The following CUL3 variants were observed in gnomAD, a reference collection of about 807,000 sequenced individuals.
CUL3 encodes the protein cullin 3.
A neutral mutation model predicts 89.1 loss-of-function variants in CUL3; 19 were observed. The ratio of observed to expected loss-of-function variants is 0.21; its 90% CI spans 0.15 to 0.31. The LOEUF (loss-of-function observed/expected upper bound fraction) is 0.31. CUL3 is among the 10% of genes least tolerant of loss of function. The pLI is 1.00. For missense variants in CUL3, 469 were observed against 942.3 expected (o/e 0.50, Z 6.58); for synonymous variants, 351 against 308.4 (o/e 1.14, Z -1.45).
At chr2:224,558,150 C>T (rs1694782313) in intron 1 of CUL3, among the ~76,000 whole-genome samples, 1 of 152,072 alleles carries the variant, frequency 6.6e-6, no homozygotes, top group African/African-American at 2.4e-5. Flanking sequence ...TTTATATACC[C>T]GTAAGTCACT....
At position 224,585,021 on chromosome 2, in the gene CUL3, C is replaced by G; in HGVS notation, c.-12G>C. 6.7e-7 allele frequency: 1 copy of G among 1,494,600 alleles called. No homozygotes were observed. Among genetic ancestry groups the G allele is most frequent in the Non-Finnish European group, 9.0e-7 (1 of 1,109,716 alleles). 92.6% of individuals were successfully genotyped at this position (1,494,600 alleles called of 1,614,324 possible). A position where few individuals can be genotyped will look rare whatever the true frequency, so the allele number is the denominator to read the frequency against. ...CTCAGATTCGACATGGTGCTCGTCC[C>G]CTCCCCGGCGGCGGCTTCAGGTCGC... is the stretch of plus-strand genomic sequence containing the variant. On this transcript the variant is annotated 5_prime_UTR_variant, in exon 1 of 16. Transcript: ENST00000264414.
At chr2:224,582,353 T>C (rs1695461616) in intron 1 of CUL3, among the ~76,000 whole-genome samples, 2 of 152,176 alleles carry the variant, frequency 1.3e-5, no homozygotes, top group Admixed American at 6.5e-5. Context: ...ACTGCCAATC[T>C]GGAAGACAGG....
chr2:224,584,698 G>A (rs1695533024), intron 1 of CUL3, among the ~76,000 whole-genome samples: 1 of 149,848 alleles, frequency 6.7e-6, no homozygotes, highest in Admixed American at 6.6e-5. Flanking sequence ...GCGGCTGAAG[G>A]AGCAGCTCCC....
At chr2:224,564,880 T>C (rs982635840) in intron 1 of CUL3, among the ~76,000 whole-genome samples, 14 of 152,220 alleles carry the variant, frequency 9.2e-5, no homozygotes, top group Non-Finnish European at 1.5e-5. Context: ...TAATCTCTAA[T>C]TCAGTTGTGG....
intron 1 of CUL3, among the ~76,000 whole-genome samples, chr2:224,575,590 A>T (rs1479308286): frequency 6.6e-6 from 1 of 152,142 alleles, no homozygotes; most frequent in Non-Finnish European, 1.5e-5. Flanking sequence ...AAATAATAAC[A>T]CCTTGCATTT....
chr2:224,506,835 G>C (rs751543528), intron 7 of CUL3, 23 bp downstream of exon 7: 2 of 1,609,396 alleles, frequency 1.2e-6, no homozygotes, highest in South Asian at 2.2e-5. Context: ...CATAAACACA[G>C]AGAATCTTCT....
intron 3 of CUL3, among the ~76,000 whole-genome samples, chr2:224,516,263 C>T (rs1015874556): frequency 3.3e-5 from 5 of 151,468 alleles, no homozygotes; most frequent in Admixed American, 1.3e-4. Flanking sequence ...CACTTCCATC[C>T]TCAAGATCTT....
In CUL3 at chr2:224,500,394, C is replaced by G. The variant is rs765144393; in HGVS notation, c.1579G>C (p.Ala527Pro). Residue 527 changes from alanine to proline, a missense_variant, in exon 11 of 16, where the codon GCA (alanine) becomes CCA (proline). Around this residue, in one of 4 missense-constraint regions of CUL3, gnomAD observed 370 missense variants for 733.2 expected, o/e 0.50. Coordinates refer to ENST00000264414, the MANE Select transcript of CUL3 (RefSeq NM_003590.5). ...AATATCTCAAAAGCATGTCTTGGTGCTGGTGGGATGTTGCACTTTGGTGTG... is the reference window on the plus strand; with the variant it reads ...AATATCTCAAAAGCATGTCTTGGTGGTGGTGGGATGTTGCACTTTGGTGTG... ...SATPKCNIPP[A>P]PRHAFEIFRR... 6.2e-7 allele frequency: 1 copy of G among 1,614,036 alleles called. No individual in the cohort carries two copies.
At chr2:224,560,912 C>G (rs1427105001) in intron 1 of CUL3, among the ~76,000 whole-genome samples, 1 of 152,188 alleles carries the variant, frequency 6.6e-6, no homozygotes, top group Admixed American at 6.5e-5. Flanking sequence ...TCGCTCTGCT[C>G]CATGCACTCC....
chr2:224,506,255 T>TA lies in CUL3; in HGVS notation c.1030-124dup, dbSNP rs3835785. 1,126 of 634,764 alleles carry TA rather than the reference T, an allele frequency of 1.8e-3. 12 individuals carry two copies. The East Asian group carries it at 0.022, about 12-fold the overall frequency. The allele number at this position is 634,764 out of a possible 1,614,324, so 39.3% of individuals were successfully genotyped here. On this transcript the variant is annotated intron_variant, in intron 7 of 15. Coordinates refer to ENST00000264414, the MANE Select transcript of CUL3 (RefSeq NM_003590.5). ...AAACATGTATATTCATTTTTAAACT[T>TA]ACAGTTTTGATATTATTTTCAAGCC... is the stretch of plus-strand genomic sequence containing the variant.
chr2:224,508,432 T>A (rs1235182610), intron 6 of CUL3, among the ~76,000 whole-genome samples: 1 of 151,980 alleles, frequency 6.6e-6, no homozygotes, highest in East Asian at 1.9e-4. Flanking sequence ...GGACACATAC[T>A]ACAGTAAATG....
chr2:224,540,053 C>A (rs1439159398), intron 2 of CUL3, among the ~76,000 whole-genome samples: 1 of 113,510 alleles, frequency 8.8e-6, no homozygotes, highest in Non-Finnish European at 1.7e-5. Context: ...ACCTTCCATC[C>A]TCCACCTTTT....
chr2:224,534,181 AG>A (rs1693795417), intron 3 of CUL3, among the ~76,000 whole-genome samples: 1 of 152,244 alleles, frequency 6.6e-6, no homozygotes, highest in South Asian at 2.1e-4. Context: ...GTCATTCTAT[AG>A]CACCAAATTT....
At chr2:224,506,222 C>G in intron 7 of CUL3, 90 bp from the exon 8 acceptor site, 1 of 859,304 alleles carries the variant, frequency 1.2e-6, no homozygotes, top group East Asian at 2.9e-5. Context: ...CTTAACTTTG[C>G]TGGTAATAAA....
intron 1 of CUL3, among the ~76,000 whole-genome samples, chr2:224,564,917 CTAGAAACATAAGCCTTATA>C (rs1404445063): frequency 3.9e-5 from 6 of 152,168 alleles, no homozygotes; most frequent in Admixed American, 1.3e-4. Context: ...ATTATACAAG[CTAGAAACATAAGCCTTATA>C]TTTTTTCTTA....
chr2:224,521,839 T>C (rs887554335), intron 3 of CUL3, among the ~76,000 whole-genome samples: 4 of 152,106 alleles, frequency 2.6e-5, no homozygotes, highest in Admixed American at 2.0e-4. Flanking sequence ...GCTGTGAAAG[T>C]TGGTCTTTTA....
chr2:224,527,349 G>A (rs1693519033), intron 3 of CUL3, among the ~76,000 whole-genome samples: 3 of 152,204 alleles, frequency 2.0e-5, no homozygotes, highest in Admixed American at 1.3e-4. Flanking sequence ...AAATGTACAT[G>A]AGAAAACACA....
chr2:224,524,676 C>A (rs539560938), intron 3 of CUL3, among the ~76,000 whole-genome samples: 1 of 151,992 alleles, frequency 6.6e-6, no homozygotes, highest in South Asian at 2.1e-4. Flanking sequence ...TACCTGCCTG[C>A]CGGAACAAAA....
At position 224,563,744 on chromosome 2, in the gene CUL3, C is replaced by T. The variant is rs556288129; in HGVS notation, c.67-5888G>A. On this transcript the variant is annotated intron_variant, in intron 1 of 15. Coordinates refer to ENST00000264414, the MANE Select transcript of CUL3 (RefSeq NM_003590.5). The stretch of plus-strand genomic sequence containing the variant: ...TCCAGCATTTCCACACTATGTTACA[C>T]ACCCCACACCCATTAAAAACTTGGT... 2.0e-5 allele frequency among the ~76,000 whole-genome samples: 3 copies of T among 152,300 alleles called. No individual in the cohort carries two copies. The East Asian group carries it at 5.8e-4, about 29-fold the overall frequency.
Sources: gnomAD v4.1 joint callset for allele counts (sites outside exome capture counted in the v4.1 genomes callset) on GRCh38, gnomAD v4.1.1 for gene constraint, gnomAD v4.1.1 regional missense constraint, MANE v1.5 for transcripts, NCBI Gene and HGNC (gene_info 2026-07-23, HGNC 2026-07-21) for gene names.